Variants in ABCA9 observed in about 807,000 individuals in gnomAD.
ABCA9 encodes the protein ATP-binding cassette sub-family A member 9.
Under a neutral mutation model 205.3 loss-of-function variants are expected in ABCA9, and 183 were observed. The observed-to-expected ratio is 0.89, with a 90% CI of 0.79 to 1.01. The LOEUF is 1.01. ABCA9 is among the 50% of genes least tolerant of loss of function. ABCA9 has a pLI of 0.00. For synonymous variants in ABCA9, 651 were observed against 683.3 expected, an observed-to-expected ratio of 0.95 and a Z score of 0.74; for missense variants, 1,805 against 1,912.4, an observed-to-expected ratio of 0.94 and a Z score of 1.05.
rs529672134 is a variant in ABCA9, at chr17:69,028,207, G to A, written c.1615+328C>T. 1.3e-4 allele frequency among the ~76,000 whole-genome samples: 20 copies of A among 152,046 alleles called. No homozygotes were observed. The South Asian group carries it at 2.1e-3, about 16-fold the overall frequency. On this transcript the variant is annotated intron_variant, in intron 12 of 38. Transcript: ENST00000340001. ...TTTGGAGATGGAGTCTCACTCTGTC[G>A]CCAGGCTGGAGTGCTGTGGCACGAT...
At chr17:68,978,010 A>G (rs2068936532) in intron 37 of ABCA9, among the ~76,000 whole-genome samples, 2 of 152,144 alleles carry the variant, frequency 1.3e-5, no homozygotes. Flanking sequence ...GCTGAATTCA[A>G]TTCCTGGATA....
At chr17:69,028,700 C>A in intron 11 of ABCA9, 55 bp from the exon 12 acceptor site, 1 of 1,072,574 alleles carries the variant, frequency 9.3e-7, no homozygotes, top group South Asian at 1.9e-5. Flanking sequence ...ACTTTACAGT[C>A]TCTGAAACTG....
At chr17:69,015,659 A>G (rs2070563702) in intron 22 of ABCA9, among the ~76,000 whole-genome samples, 2 of 152,046 alleles carry the variant, frequency 1.3e-5, no homozygotes, top group East Asian at 3.9e-4. Flanking sequence ...GTGCCTCATC[A>G]CTCGTTCCTA....
chr17:69,011,470 A>C (rs532748912), intron 23 of ABCA9, among the ~76,000 whole-genome samples: 1 of 152,330 alleles, frequency 6.6e-6, no homozygotes, highest in East Asian at 1.9e-4. Context: ...GCATCAGTGG[A>C]TGATGACAAG....
chr17:69,051,983 C>T (rs2071916141), intron 1 of ABCA9, among the ~76,000 whole-genome samples: 1 of 152,094 alleles, frequency 6.6e-6, no homozygotes, highest in African/African-American at 2.4e-5. Context: ...GTAACCAAAA[C>T]AAGATAGGAG....
intron 23 of ABCA9, among the ~76,000 whole-genome samples, chr17:69,010,137 T>C (rs2070317926): frequency 6.6e-6 from 1 of 150,414 alleles, no homozygotes; most frequent in African/African-American, 2.4e-5. Flanking sequence ...ATTCCTGTGC[T>C]GATGATGTTT....
chr17:68,992,868 T>C (rs2069500228), intron 27 of ABCA9, 148 bp downstream of exon 27: 5 of 591,990 alleles, frequency 8.4e-6, no homozygotes, highest in South Asian at 8.0e-5. Context: ...TGTGTGTGTG[T>C]GCACGCATGC....
At chr17:69,005,115 G>A (rs889215251) in intron 25 of ABCA9, among the ~76,000 whole-genome samples, 1 of 152,194 alleles carries the variant, frequency 6.6e-6, no homozygotes, top group Non-Finnish European at 1.5e-5. Context: ...GTAGACCGGA[G>A]CTGTTCCTAT....
intron 3 of ABCA9, among the ~76,000 whole-genome samples, chr17:69,046,259 CTG>C (rs1467824896): frequency 6.6e-6 from 1 of 152,132 alleles, no homozygotes; most frequent in African/African-American, 2.4e-5. Context: ...AAATGGCTGA[CTG>C]TTACTGATCT....
At chr17:68,987,655 G>C (rs758858738) in intron 31 of ABCA9, among the ~76,000 whole-genome samples, 8 of 152,208 alleles carry the variant, frequency 5.3e-5, no homozygotes, top group Non-Finnish European at 8.8e-5. Flanking sequence ...ATCATGCTGG[G>C]CTGGTTGCAG....
intron 6 of ABCA9, among the ~76,000 whole-genome samples, chr17:69,040,464 A>G (rs1312243879): frequency 6.6e-6 from 1 of 152,206 alleles, no homozygotes; most frequent in Non-Finnish European, 1.5e-5. Flanking sequence ...ACAGAACACC[A>G]AACACCGCAT....
chr17:69,008,079 G>GAATT lies in ABCA9; in HGVS notation c.3300_3303dup (p.Gln1102AsnfsTer11), dbSNP rs1443011905. Reference sequence around the variant, plus strand: ...CCACTTACTTGAATTAACAGGTTTTGAATTATAAATATAATCTCCTCTGGG... The same window carrying GAATT: ...CCACTTACTTGAATTAACAGGTTTTGAATTAATTATAAATATAATCTCCTCTGGG... On this transcript the variant is annotated frameshift_variant, in exon 24 of 39. Coordinates refer to ENST00000340001, the MANE Select transcript of ABCA9 (RefSeq NM_080283.4). LOFTEE classifies it high-confidence loss of function. 1 of 1,607,246 alleles carries GAATT rather than the reference G, an allele frequency of 6.2e-7. No homozygotes were observed. Among genetic ancestry groups the GAATT allele is most frequent in the African/African-American group, 1.3e-5 (1 of 74,546 alleles).
chr17:68,991,373 A>C (rs894973562), intron 28 of ABCA9, among the ~76,000 whole-genome samples: 3 of 152,184 alleles, frequency 2.0e-5, no homozygotes, highest in Non-Finnish European at 4.4e-5. Flanking sequence ...TGTGTCCCAG[A>C]GAATCCAGGA....
At chr17:69,009,713 G>A (rs2070299007) in intron 23 of ABCA9, among the ~76,000 whole-genome samples, 1 of 152,188 alleles carries the variant, frequency 6.6e-6, no homozygotes, top group African/African-American at 2.4e-5. Flanking sequence ...TCATCCAGAA[G>A]AGAGATGATG....
intron 2 of ABCA9, among the ~76,000 whole-genome samples, chr17:69,050,805 A>T (rs754401125): frequency 3.6e-4 from 54 of 151,794 alleles, no homozygotes; most frequent in Non-Finnish European, 6.2e-4. Context: ...ATGAATTTTT[A>T]AAAAAATGCC....
chr17:69,062,648 C>A (rs534211878), upstream of ABCA9, among the ~76,000 whole-genome samples: 5 of 152,140 alleles, frequency 3.3e-5, no homozygotes, highest in African/African-American at 9.6e-5. Context: ...GTAGCTGGGA[C>A]TACAGGCACC....
intron 25 of ABCA9, among the ~76,000 whole-genome samples, chr17:69,003,800 G>A (rs1201707049): frequency 6.6e-6 from 1 of 151,982 alleles, no homozygotes; most frequent in African/African-American, 2.4e-5. Flanking sequence ...CATATTTCTT[G>A]GAGGTTTTGC....
chr17:69,024,063 T>C (rs2070905524), intron 17 of ABCA9, 151 bp downstream of exon 17: 1 of 820,758 alleles, frequency 1.2e-6, no homozygotes, highest in African/African-American at 1.7e-5. Context: ...GGGGTAATAT[T>C]ATAAGTGACC....
intron 3 of ABCA9, among the ~76,000 whole-genome samples, chr17:69,046,937 T>TTA (rs3046836): frequency 0.012 from 1,663 of 138,624 alleles, 40 homozygotes; most frequent in African/African-American, 0.04. Context: ...ATAGAAAATT[T>TTA]TATATATATA....
Sources: allele counts gnomAD v4.1 joint callset (sites outside exome capture counted in the v4.1 genomes callset), GRCh38; gene constraint gnomAD v4.1.1; transcripts MANE v1.5; gene names NCBI Gene and HGNC (gene_info 2026-07-23, HGNC 2026-07-21).